The following PDE1C variants were observed in gnomAD, a reference collection of about 807,000 sequenced individuals.
The protein encoded by PDE1C is dual specificity calcium/calmodulin-dependent 3',5'-cyclic nucleotide phosphodiesterase 1C.
Under a neutral mutation model 93.1 loss-of-function variants are expected in PDE1C, and 62 were observed. The ratio of observed to expected loss-of-function variants is 0.67; its 90% CI spans 0.54 to 0.82. The LOEUF (loss-of-function observed/expected upper bound fraction) is 0.82, where lower values mean the gene tolerates loss of function less well. Among genes scored for constraint, PDE1C ranks in the 40% least tolerant of loss-of-function variants. The pLI is 0.00. For missense variants in PDE1C, 742 were observed against 884.6 expected (o/e 0.84, Z 2.04); for synonymous variants, 325 against 310.1 (o/e 1.05, Z -0.50).
chr7:32,089,684 T>C (rs139056840), intron 3 of PDE1C, among the ~76,000 whole-genome samples: 1 of 151,956 alleles, frequency 6.6e-6, no homozygotes, highest in East Asian at 1.9e-4. Context: ...CCTCAGGGAG[T>C]GCATACTGCA....
At chr7:32,111,816 AG>A (rs2128756174) in intron 3 of PDE1C, among the ~76,000 whole-genome samples, 1 of 152,328 alleles carries the variant, frequency 6.6e-6, no homozygotes, top group Non-Finnish European at 1.5e-5. Context: ...AAAGAGAAGA[AG>A]GGTAGACAAA....
chr7:31,767,397 G>C (rs945813880), intron 17 of PDE1C, among the ~76,000 whole-genome samples: 1 of 152,196 alleles, frequency 6.6e-6, no homozygotes, highest in Admixed American at 6.5e-5. Flanking sequence ...GATTCCTCAT[G>C]AGATCTGGTC....
intron 1 of PDE1C, among the ~76,000 whole-genome samples, chr7:32,286,232 AT>A (rs1193139739): frequency 1.3e-5 from 2 of 152,168 alleles, no homozygotes; most frequent in African/African-American, 4.8e-5. Context: ...AGTGCTTTGG[AT>A]TTTTACTGAA....
intron 16 of PDE1C, among the ~76,000 whole-genome samples, chr7:31,795,781 A>G (rs1785208413): frequency 6.6e-6 from 1 of 151,686 alleles, no homozygotes; most frequent in East Asian, 1.9e-4. Context: ...AATATATAAT[A>G]TAATCCACAT....
At chr7:32,181,771 C>G (rs998687413) in intron 2 of PDE1C, among the ~76,000 whole-genome samples, 2 of 152,190 alleles carry the variant, frequency 1.3e-5, no homozygotes, top group South Asian at 2.1e-4. Flanking sequence ...TATTCAAAAG[C>G]TAGCAGAAGG....
chr7:31,741,757 C>A, the PDE1C span, among the ~76,000 whole-genome samples: 1 of 152,102 alleles, frequency 6.6e-6, no homozygotes, highest in Non-Finnish European at 1.5e-5. Context: ...ATGAGCTTAC[C>A]TAGGGATGAA....
At chr7:31,868,560 A>C (rs992893308) in intron 6 of PDE1C, among the ~76,000 whole-genome samples, 1 of 152,170 alleles carries the variant, frequency 6.6e-6, no homozygotes, top group Admixed American at 6.5e-5. Flanking sequence ...ACCATTAAAC[A>C]ACCAAATATT....
intron 1 of PDE1C, among the ~76,000 whole-genome samples, chr7:32,256,355 C>G (rs1443444136): frequency 1.3e-5 from 2 of 152,170 alleles, no homozygotes; most frequent in Admixed American, 1.3e-4. Context: ...CTGGAAGTGT[C>G]ACTGTCCTAT....
At chr7:32,338,807 T>C (rs1463936427) in intron 1 of PDE1C, among the ~76,000 whole-genome samples, 7 of 151,988 alleles carry the variant, frequency 4.6e-5, no homozygotes, top group Non-Finnish European at 8.8e-5. Context: ...ATCGAGACCA[T>C]CCTGGCTAAC....
At chr7:32,207,035 G>A (rs1211711292) in intron 2 of PDE1C, among the ~76,000 whole-genome samples, 1 of 152,166 alleles carries the variant, frequency 6.6e-6, no homozygotes, top group Non-Finnish European at 1.5e-5. Flanking sequence ...CTAGGCAGAT[G>A]CTCTAACTGA....
At chr7:31,774,406 A>G (rs10225046) in intron 17 of PDE1C, among the ~76,000 whole-genome samples, 71,394 of 152,064 alleles carry the variant, frequency 0.47, 17,148 homozygotes, top group African/African-American at 0.5. Context: ...CAAGGGGATC[A>G]TGAAATGGAC....
chr7:31,624,796 T>G, the PDE1C span, among the ~76,000 whole-genome samples: 1 of 151,968 alleles, frequency 6.6e-6, no homozygotes, highest in Admixed American at 6.6e-5. Flanking sequence ...CTAAAGAGCT[T>G]CTGCACAGCA....
intron 2 of PDE1C, among the ~76,000 whole-genome samples, chr7:31,964,816 C>T (rs1809644051): frequency 2.0e-5 from 3 of 152,214 alleles, no homozygotes; most frequent in Admixed American, 2.0e-4. Context: ...TGCTGTTCCG[C>T]AGCCACCGTT....
intron 3 of PDE1C, among the ~76,000 whole-genome samples, chr7:32,121,724 C>G (rs1281163592): frequency 6.6e-6 from 1 of 152,142 alleles, no homozygotes; most frequent in Admixed American, 6.5e-5. Flanking sequence ...GAAGGAAGCA[C>G]TAGATATGGC....
intron 3 of PDE1C, among the ~76,000 whole-genome samples, chr7:32,120,352 TC>T (rs1258158081): frequency 2.0e-5 from 3 of 152,030 alleles, no homozygotes; most frequent in Non-Finnish European, 2.9e-5. Context: ...CAAGTGGGTT[TC>T]CCCCCAGGCA....
the PDE1C span, among the ~76,000 whole-genome samples, chr7:31,662,506 G>A: frequency 6.6e-6 from 1 of 152,104 alleles, no homozygotes; most frequent in Non-Finnish European, 1.5e-5. Context: ...GGGCCAGTTA[G>A]GAACTCATAG....
chr7:32,181,273 G>A (rs1194426120), intron 2 of PDE1C, among the ~76,000 whole-genome samples: 1 of 152,088 alleles, frequency 6.6e-6, no homozygotes, highest in Non-Finnish European at 1.5e-5. Context: ...TCCAGGAACT[G>A]AACTCATCTC....
At chr7:32,415,443 T>A (rs7801260) in intron 1 of PDE1C, among the ~76,000 whole-genome samples, 3,135 of 152,226 alleles carry the variant, frequency 0.021, 48 homozygotes, top group Middle Eastern at 0.048. Context: ...AGAGCAAGAC[T>A]CCGTCTCAAA....
chr7:32,096,860 T>TAGATAGATAGATAGAC lies in PDE1C; in HGVS notation c.308+72924_308+72925insGTCTATCTATCTATCT, dbSNP rs1300516444. Among the ~76,000 whole-genome samples, 432 of 150,502 alleles carry TAGATAGATAGATAGAC rather than the reference T, an allele frequency of 2.9e-3. 4 individuals carry two copies. Among genetic ancestry groups the TAGATAGATAGATAGAC allele is most frequent in the African/African-American group, 9.3e-3 (381 of 41,112 alleles). On this transcript the variant is annotated intron_variant, in intron 3 of 18. Transcript: ENST00000396193. ...ATAGATAGATAGATAGATAGATAGA[T>TAGATAGATAGATAGAC]AGACAGACAGATCAACAGTCAGCCA...
Sources: allele counts gnomAD v4.1 joint callset (sites outside exome capture counted in the v4.1 genomes callset), GRCh38; gene constraint gnomAD v4.1.1; transcripts MANE v1.5; gene names NCBI Gene and HGNC (gene_info 2026-07-23, HGNC 2026-07-21).